Variants in MRRF observed in about 807,000 individuals in gnomAD.
MRRF encodes ribosome-recycling factor, mitochondrial.
A neutral mutation model predicts 25.1 loss-of-function variants in MRRF; 18 were observed. The ratio of observed to expected loss-of-function variants is 0.72; its 90% CI spans 0.50 to 1.06. MRRF has a LOEUF of 1.06. Among genes scored for constraint, MRRF ranks in the 50% least tolerant of loss-of-function variants. MRRF has a pLI of 0.00. For missense variants in MRRF, 323 were observed against 319.3 expected, an observed-to-expected ratio of 1.01 and a Z score of -0.09; for synonymous variants, 113 against 112.1, an observed-to-expected ratio of 1.01 and a Z score of -0.05.
At chr9:122,268,984 T>G (rs1210944901) in intron 1 of MRRF, among the ~76,000 whole-genome samples, 5 of 151,820 alleles carry the variant, frequency 3.3e-5, no homozygotes, top group Non-Finnish European at 7.4e-5. Context: ...GCTAACAAGG[T>G]GAAACCCCGT....
At chr9:122,291,462 T>A (rs1833764453) in intron 4 of MRRF, among the ~76,000 whole-genome samples, 1 of 152,216 alleles carries the variant, frequency 6.6e-6, no homozygotes, top group Admixed American at 6.5e-5. Flanking sequence ...GGTTTTGATC[T>A]GTGTTGCCTC....
intron 6 of MRRF, among the ~76,000 whole-genome samples, chr9:122,321,371 A>G (rs1001343485): frequency 6.6e-6 from 1 of 152,200 alleles, no homozygotes; most frequent in Non-Finnish European, 1.5e-5. Flanking sequence ...TTCATTTTTA[A>G]TGACTATATG....
At chr9:122,320,582 A>G (rs966859879) in intron 6 of MRRF, among the ~76,000 whole-genome samples, 1 of 152,178 alleles carries the variant, frequency 6.6e-6, no homozygotes, top group Non-Finnish European at 1.5e-5. Context: ...CTTTGTGGCT[A>G]GCTGAGTGAG....
chr9:122,308,499 G>A (rs1429824198), intron 5 of MRRF, among the ~76,000 whole-genome samples: 1 of 150,594 alleles, frequency 6.6e-6, no homozygotes, highest in Non-Finnish European at 1.5e-5. Context: ...AGGAGTTCGT[G>A]ACCAGCCTGG....
chr9:122,314,260 C>T (rs894075771), intron 6 of MRRF, among the ~76,000 whole-genome samples: 1 of 152,040 alleles, frequency 6.6e-6, no homozygotes, highest in Non-Finnish European at 1.5e-5. Context: ...GGGTTCAAAT[C>T]TGCTTTATAT....
At chr9:122,270,048 A>AAAAAT (rs1313273748) in intron 1 of MRRF, among the ~76,000 whole-genome samples, 2 of 152,214 alleles carry the variant, frequency 1.3e-5, no homozygotes, top group Non-Finnish European at 2.9e-5. Context: ...ATTTAAAAAA[A>AAAAAT]AAAATAAGGT....
chr9:122,313,748 C>T (rs1008661649), intron 6 of MRRF, among the ~76,000 whole-genome samples: 3 of 152,160 alleles, frequency 2.0e-5, no homozygotes, highest in Admixed American at 6.5e-5. Flanking sequence ...CTTAGGCAGA[C>T]GGATTTCAGA....
Position 122,318,718 on chromosome 9 carries a change from A to G in MRRF, c.712-3822A>G, listed in dbSNP as rs143999224. On this transcript the variant is annotated intron_variant, in intron 6 of 6. Coordinates refer to ENST00000344641, the MANE Select transcript of MRRF (RefSeq NM_138777.5). ...TGTTATCATCTCTATGAGGCAGGGT[A>G]TTATGTTGGCAAGGGTTCTTGCTTT... Among the ~76,000 whole-genome samples, 13 of 152,298 alleles carry G rather than the reference A, an allele frequency of 8.5e-5. No individual in the cohort carries two copies. In the East Asian group the frequency reaches 2.1e-3, roughly 25 times the overall value.
rs1208804535 is a variant in MRRF, at chr9:122,283,132, C to T, written c.341-2037C>T. 6.1e-5 allele frequency among the ~76,000 whole-genome samples: 9 copies of T among 147,712 alleles called. No homozygotes were observed. The South Asian group carries it at 1.5e-3, about 25-fold the overall frequency. On this transcript the variant is annotated intron_variant, in intron 3 of 6. Transcript: ENST00000344641. The stretch of plus-strand genomic sequence containing the variant: ...TTTTGGAGTCAGAGTCTTGCACTGT[C>T]GCCAGGAGTGGAGTGCAATGGCGCG...
Position 122,327,711 on chromosome 9 carries a change from G to T in MRRF, c.*5094G>T, listed in dbSNP as rs924655353. 2.6e-5 allele frequency: 4 copies of T among 152,036 alleles called. No individual in the cohort carries two copies. The highest frequency in any genetic ancestry group is 2.4e-5 in the African/African-American group (1 of 41,392). The allele number at this position is 152,036 out of a possible 1,614,324, so 9.4% of individuals were successfully genotyped here. A position where few individuals can be genotyped will look rare whatever the true frequency, so the allele number is the denominator to read the frequency against. Reference sequence around the variant, plus strand: ...ACTGCTGTGTTGTTTTATACATAGCGCTCCAGACGCTTACATCTTCTTTAT... The same window carrying T: ...ACTGCTGTGTTGTTTTATACATAGCTCTCCAGACGCTTACATCTTCTTTAT... On this transcript the variant is annotated 3_prime_UTR_variant, in exon 7 of 7. Coordinates refer to ENST00000344641, the MANE Select transcript of MRRF (RefSeq NM_138777.5).
In MRRF at chr9:122,323,873, G is replaced by C. The variant is rs1836027572; in HGVS notation, c.*1256G>C. 6.6e-6 allele frequency: 1 copy of C among 152,206 alleles called. No individual in the cohort carries two copies. The highest frequency in any genetic ancestry group is 6.5e-5 in the Admixed American group (1 of 15,290). 9.4% of individuals were successfully genotyped at this position (152,206 alleles called of 1,614,324 possible). A position where few individuals can be genotyped will look rare whatever the true frequency, so the allele number is the denominator to read the frequency against. On this transcript the variant is annotated 3_prime_UTR_variant, in exon 7 of 7. Coordinates refer to ENST00000344641, the MANE Select transcript of MRRF (RefSeq NM_138777.5). ...ATTCATTGTCAGCGTCATTTACATA[G>C]AGGTGAAGTTTCTTGTGCAGGGTTA...
At chr9:122,320,292 G>C (rs1835815158) in intron 6 of MRRF, among the ~76,000 whole-genome samples, 1 of 152,110 alleles carries the variant, frequency 6.6e-6, no homozygotes, top group African/African-American at 2.4e-5. Context: ...TGAGGAAACT[G>C]AAAGTCAAAG....
intron 5 of MRRF, among the ~76,000 whole-genome samples, chr9:122,308,460 A>G (rs1238318504): frequency 7.0e-6 from 1 of 142,640 alleles, no homozygotes; most frequent in African/African-American, 2.7e-5. Context: ...GCACTCTGGG[A>G]GGCCGAGGCA....
At chr9:122,300,257 A>T (rs982824591) in intron 5 of MRRF, among the ~76,000 whole-genome samples, 1 of 152,206 alleles carries the variant, frequency 6.6e-6, no homozygotes, top group Non-Finnish European at 1.5e-5. Context: ...CTCAGCAGGA[A>T]TGTCACAGTG....
intron 2 of MRRF, among the ~76,000 whole-genome samples, chr9:122,277,546 T>G (rs1832848513): frequency 6.6e-6 from 1 of 152,086 alleles, no homozygotes; most frequent in African/African-American, 2.4e-5. Context: ...ATTATTTTAT[T>G]TTGTACTTTC....
At chr9:122,283,314 C>CA in intron 3 of MRRF, among the ~76,000 whole-genome samples, 1 of 152,014 alleles carries the variant, frequency 6.6e-6, no homozygotes, top group Non-Finnish European at 1.5e-5. Flanking sequence ...AGGCTGGTCT[C>CA]AAACTCCTGA....
rs752055126 is a variant in MRRF at position 122,330,675 on chromosome 9, ATC to A, written c.*8061_*8062del. 6 of 152,256 alleles carry A rather than the reference ATC, an allele frequency of 3.9e-5. No individual in the cohort carries two copies. The highest frequency in any genetic ancestry group is 1.5e-5 in the Non-Finnish European group (1 of 68,082). The allele number at this position is 152,256 out of a possible 1,614,324, so 9.4% of individuals were successfully genotyped here. A position where few individuals can be genotyped will look rare whatever the true frequency, so the allele number is the denominator to read the frequency against. On this transcript the variant is annotated 3_prime_UTR_variant, in exon 7 of 7. Coordinates refer to ENST00000344641, the MANE Select transcript of MRRF (RefSeq NM_138777.5). This position sits in a 1 kb window ranked among gnomAD's most constrained non-coding sequence, Gnocchi z 4.2. ...CCTAGTGCAGTAGCTCATGCCTGGA[ATC>A]TCAGCACTTTGGGTGGCTGAGGTGG...
chr9:122,283,966 T>TTTGTTGTTG (rs199591983), intron 3 of MRRF, among the ~76,000 whole-genome samples: 80 of 150,646 alleles, frequency 5.3e-4, no homozygotes, highest in African/African-American at 1.5e-3. Flanking sequence ...TGTTAATAGT[T>TTTGTTGTTG]TTGTTGTTGT....
rs763933913 is a variant in MRRF, at chr9:122,330,190, G to A, written c.*7573G>A. ...TACCTCCACTACTGGGAGTGTTAGT[G>A]TCTGTGACAAAAGTGCTGGTTGCTG... On this transcript the variant is annotated 3_prime_UTR_variant, in exon 7 of 7. Transcript: ENST00000344641. This position sits in a 1 kb window ranked among gnomAD's most constrained non-coding sequence, Gnocchi z 4.2. 1.3e-5 allele frequency: 2 copies of A among 152,480 alleles called. No individual in the cohort carries two copies. Among genetic ancestry groups the A allele is most frequent in the Non-Finnish European group, 2.9e-5 (2 of 68,236 alleles). 9.4% of individuals were successfully genotyped at this position (152,480 alleles called of 1,614,324 possible).
Sources: gnomAD v4.1 joint callset for allele counts (sites outside exome capture counted in the v4.1 genomes callset) on GRCh38, gnomAD v4.1.1 for gene constraint, Gnocchi (gnomAD v3.1) non-coding constraint, MANE v1.5 for transcripts, NCBI Gene and HGNC (gene_info 2026-07-23, HGNC 2026-07-21) for gene names.